The following HIVEP1 variants were observed in gnomAD, a reference collection of about 807,000 sequenced individuals.
HIVEP1 encodes HIVEP zinc finger 1, also known as zinc finger protein 40.
HIVEP1 carries 36 observed loss-of-function variants against 180.0 expected under a neutral mutation model. The ratio of observed to expected loss-of-function variants is 0.20; its 90% CI spans 0.15 to 0.26. HIVEP1 has a LOEUF of 0.26. Among genes scored for constraint, HIVEP1 ranks in the 10% least tolerant of loss-of-function variants. HIVEP1 has a pLI of 1.00. For synonymous variants in HIVEP1, 1,239 were observed against 1,239.0 expected (o/e 1.00, Z 0.00); for missense variants, 3,143 against 3,268.7 (o/e 0.96, Z 0.94).
Position 12,063,612 on chromosome 6 carries a change from G to A in HIVEP1, c.41-25572G>A, listed in dbSNP as rs1771379196. ...GAGGCAGATGTCTTGGGGAGAGAAG[G>A]GGCTTGGATCTGGGTGGCTGAAGTG... is the stretch of plus-strand genomic sequence containing the variant. On this transcript the variant is annotated intron_variant, in intron 2 of 8. Transcript: ENST00000379388. The surrounding 1 kb of genome is among the most constrained non-coding windows in gnomAD (Gnocchi z 4.2). 6.6e-6 allele frequency among the ~76,000 whole-genome samples: 1 copy of A among 152,134 alleles called. No homozygotes were observed. The highest frequency in any genetic ancestry group is 2.1e-4 in the South Asian group (1 of 4,832).
chr6:12,041,063 G>A (rs1299037611), intron 2 of HIVEP1, among the ~76,000 whole-genome samples: 1 of 152,128 alleles, frequency 6.6e-6, no homozygotes, highest in Non-Finnish European at 1.5e-5. Context: ...CGGTCTGTTT[G>A]TCTCTTTTTC....
chr6:12,090,160 T>C (rs538633706), intron 3 of HIVEP1, among the ~76,000 whole-genome samples: 12 of 152,290 alleles, frequency 7.9e-5, no homozygotes, highest in African/African-American at 2.9e-4. Context: ...GTAAATACTG[T>C]TGAAACACTA....
chr6:12,164,580 A>T lies in HIVEP1; in HGVS notation c.*119A>T. 1 of 806,080 alleles carries T rather than the reference A, an allele frequency of 1.2e-6. No homozygotes were observed. The highest frequency in any genetic ancestry group is 1.9e-6 in the Non-Finnish European group (1 of 529,210). 49.9% of individuals were successfully genotyped at this position (806,080 alleles called of 1,614,324 possible). On this transcript the variant is annotated 3_prime_UTR_variant, in exon 9 of 9. Coordinates refer to ENST00000379388, the MANE Select transcript of HIVEP1 (RefSeq NM_002114.4). ...ACTCATGACTAATCTTTGTGCAATC[A>T]TGAACTTTTGACCAATAATTGTTGT...
chr6:12,034,397 C>T (rs1769145901), intron 2 of HIVEP1, among the ~76,000 whole-genome samples: 1 of 152,146 alleles, frequency 6.6e-6, no homozygotes, highest in African/African-American at 2.4e-5. Flanking sequence ...GATAATTTTT[C>T]TTGTACACTT....
chr6:12,010,750 T>C (rs969187471), upstream of HIVEP1, among the ~76,000 whole-genome samples: 1 of 152,200 alleles, frequency 6.6e-6, no homozygotes, highest in African/African-American at 2.4e-5. Flanking sequence ...GGTCTAACCC[T>C]GAAAACCTTC....
chr6:12,123,219 C>G lies in HIVEP1; in HGVS notation c.3424C>G (p.Leu1142Val). 6.2e-7 allele frequency: 1 copy of G among 1,614,204 alleles called. No individual in the cohort carries two copies. The highest frequency in any genetic ancestry group is 8.5e-7 in the Non-Finnish European group (1 of 1,180,032). The change falls in exon 4 of 9, where the codon CTG (leucine) becomes GTG (valine). Residue 1142 changes from leucine (L) to valine (V), a missense_variant. Leu to Val is a conservative substitution (Grantham distance 32). This residue lies in a region of HIVEP1 where 1,357 missense variants were observed against 1,260.5 expected (regional missense o/e 1.08). Transcript: ENST00000379388. ...CTCTGTCATCCAGCACACCAACTCCCTGAGCAGGCCCAACTCATTTGACAA... is the reference window on the plus strand; with the variant it reads ...CTCTGTCATCCAGCACACCAACTCCGTGAGCAGGCCCAACTCATTTGACAA... ...GISVIQHTNS[L>V]SRPNSFDKPE...
intron 2 of HIVEP1, among the ~76,000 whole-genome samples, chr6:12,031,679 T>G (rs1768949078): frequency 6.6e-6 from 1 of 152,218 alleles, no homozygotes. Flanking sequence ...AATGCCAATG[T>G]GCTAGTCTTA....
At chr6:12,052,321 T>C (rs1291630088) in intron 2 of HIVEP1, among the ~76,000 whole-genome samples, 1 of 152,216 alleles carries the variant, frequency 6.6e-6, no homozygotes, top group East Asian at 1.9e-4. Flanking sequence ...TAGAGATAGC[T>C]TTGTAGAGCA....
the HIVEP1 span, among the ~76,000 whole-genome samples, chr6:12,187,509 A>G: frequency 6.6e-6 from 1 of 151,850 alleles, no homozygotes; most frequent in Admixed American, 6.6e-5. Context: ...GTCCACCATT[A>G]CTGGAAGCAG....
chr6:12,009,867 T>C (rs1450120737), upstream of HIVEP1, among the ~76,000 whole-genome samples: 3 of 152,276 alleles, frequency 2.0e-5, no homozygotes, highest in African/African-American at 4.8e-5. Flanking sequence ...TAATTCGAAA[T>C]TGCATGTATG....
At chr6:12,130,216 T>C (rs1008638125) in intron 5 of HIVEP1, among the ~76,000 whole-genome samples, 1 of 152,224 alleles carries the variant, frequency 6.6e-6, no homozygotes, top group Admixed American at 6.5e-5. Flanking sequence ...TCATTGCCCA[T>C]TAGATATCTT....
chr6:12,202,178 CA>C, the HIVEP1 span, among the ~76,000 whole-genome samples: 6 of 152,014 alleles, frequency 3.9e-5, no homozygotes, highest in African/African-American at 1.4e-4. Context: ...TTTTTTGAGA[CA>C]GGGTCTCATT....
At chr6:12,046,845 C>CTGTGTGTATG in intron 2 of HIVEP1, among the ~76,000 whole-genome samples, 1 of 141,106 alleles carries the variant, frequency 7.1e-6, no homozygotes, top group South Asian at 2.4e-4. Flanking sequence ...TGCCACTACA[C>CTGTGTGTATG]TGTGTGTGTG....
At chr6:12,153,210 A>G (rs1759809760) in intron 7 of HIVEP1, among the ~76,000 whole-genome samples, 1 of 152,242 alleles carries the variant, frequency 6.6e-6, no homozygotes, top group Admixed American at 6.5e-5. Context: ...CATTGAATTC[A>G]TGCATATTTA....
At chr6:12,062,621 GC>G (rs1410856373) in intron 2 of HIVEP1, among the ~76,000 whole-genome samples, 1 of 152,122 alleles carries the variant, frequency 6.6e-6, no homozygotes, top group African/African-American at 2.4e-5. Context: ...CCAGCTACAT[GC>G]CGAGTGCTAC....
chr6:12,016,718 T>C (rs1302438479), intron 2 of HIVEP1, among the ~76,000 whole-genome samples: 1 of 152,150 alleles, frequency 6.6e-6, no homozygotes, highest in African/African-American at 2.4e-5. Context: ...GAGGTGGAGA[T>C]TTACATGAGA....
intron 6 of HIVEP1, among the ~76,000 whole-genome samples, chr6:12,131,900 G>A (rs1267055668): frequency 6.6e-6 from 1 of 150,450 alleles, no homozygotes; most frequent in Non-Finnish European, 1.5e-5. Context: ...TTGTTTTAAA[G>A]ATTGATCAAC....
intron 7 of HIVEP1, among the ~76,000 whole-genome samples, chr6:12,160,822 C>T (rs1379392422): frequency 6.6e-6 from 1 of 152,142 alleles, no homozygotes; most frequent in Non-Finnish European, 1.5e-5. Context: ...TGGGAAGCAG[C>T]TTCAGTAAAG....
chr6:12,137,711 C>A (rs1340973089), intron 7 of HIVEP1, among the ~76,000 whole-genome samples: 1 of 151,866 alleles, frequency 6.6e-6, no homozygotes, highest in Non-Finnish European at 1.5e-5. Context: ...ACCTAACATT[C>A]TGTGTTGCTA....
Sources: gnomAD v4.1 joint callset for allele counts (sites outside exome capture counted in the v4.1 genomes callset) on GRCh38, gnomAD v4.1.1 for gene constraint, gnomAD v4.1.1 regional missense constraint, Gnocchi (gnomAD v3.1) non-coding constraint, MANE v1.5 for transcripts, NCBI Gene and HGNC (gene_info 2026-07-23, HGNC 2026-07-21) for gene names.